Variants in XRN1 observed in about 807,000 individuals in gnomAD.
XRN1 encodes the protein 5'-3' exoribonuclease 1, also known as strand-exchange protein 1 homolog.
XRN1 carries 67 observed loss-of-function variants against 222.3 expected under a neutral mutation model. That is an observed-to-expected ratio of 0.30 (90% CI 0.25 to 0.37). The LOEUF is 0.37. XRN1 is among the 10% of genes least tolerant of loss of function. The pLI, the probability that XRN1 is intolerant of heterozygous loss-of-function variation, is 1.00. For missense variants in XRN1, 1,707 were observed against 2,000.2 expected, an observed-to-expected ratio of 0.85 and a Z score of 2.80; for synonymous variants, 643 against 652.4, an observed-to-expected ratio of 0.99 and a Z score of 0.22.
chr3:142,309,774 TTTCACAC>T lies in XRN1; in HGVS notation c.*1730_*1736del, dbSNP rs2065040305. ...GAGTTTGTACAGCTGAGGTGAAACA[TTTCACAC>T]TTTAAAGTAGGAAGAGGTTAATATA... is the stretch of plus-strand genomic sequence containing the variant. On this transcript the variant is annotated 3_prime_UTR_variant, in exon 41 of 41. Coordinates refer to ENST00000392981, the MANE Select transcript of XRN1 (RefSeq NM_001282857.2). 6.6e-6 allele frequency: 1 copy of T among 152,190 alleles called. No individual in the cohort carries two copies. The highest frequency in any genetic ancestry group is 1.5e-5 in the Non-Finnish European group (1 of 68,032). The allele number at this position is 152,190 out of a possible 1,614,324, so 9.4% of individuals were successfully genotyped here. A position where few individuals can be genotyped will look rare whatever the true frequency, so the allele number is the denominator to read the frequency against.
chr3:142,327,345 C>T (rs988248970), intron 37 of XRN1, among the ~76,000 whole-genome samples: 10 of 151,950 alleles, frequency 6.6e-5, no homozygotes, highest in South Asian at 2.1e-4. Context: ...TTATGTGTCT[C>T]GGAATTCATC....
chr3:142,363,659 TTG>T, intron 29 of XRN1, among the ~76,000 whole-genome samples: 1 of 151,952 alleles, frequency 6.6e-6, no homozygotes, highest in Non-Finnish European at 1.5e-5. Flanking sequence ...TACTCTAGCT[TTG>T]TAAAGTTTAC....
chr3:142,438,930 C>T (rs2070061031), intron 1 of XRN1, among the ~76,000 whole-genome samples: 1 of 151,634 alleles, frequency 6.6e-6, no homozygotes, highest in Non-Finnish European at 1.5e-5. Context: ...CCTTCCCCAA[C>T]TAACAAGGAC....
chr3:142,403,600 T>C, intron 18 of XRN1, 74 bp downstream of exon 18: 2 of 1,383,490 alleles, frequency 1.4e-6, no homozygotes, highest in Admixed American at 3.7e-5. Context: ...AATACCTCCC[T>C]GGTAAACATC....
intron 18 of XRN1, 45 bp downstream of exon 18, chr3:142,403,629 T>A: frequency 6.4e-7 from 1 of 1,552,170 alleles, no homozygotes; most frequent in Non-Finnish European, 8.9e-7. Flanking sequence ...TACAGTTTAA[T>A]ACATTATAGG....
chr3:142,312,657 T>C lies in XRN1; in HGVS notation c.4723A>G (p.Thr1575Ala), dbSNP rs556510044. The change falls in exon 40 of 41, where the codon ACC becomes GCC. Residue 1575 changes from threonine to alanine, a missense_variant. By Grantham distance (58) the Thr-to-Ala change is moderately conservative. Transcript: ENST00000392981. ...GGTATTCCCCCAGCCATGGGCATGG[T>C]CCCAGAATATAAAGTATGATGGAAG... is the stretch of plus-strand genomic sequence containing the variant. ...KPFHHTLYSG[T>A]MPMAGGIPGG... 2.0e-5 allele frequency: 33 copies of C among 1,613,732 alleles called. No homozygotes were observed. The African/African-American group carries it at 4.3e-4, about 21-fold the overall frequency.
At chr3:142,389,340 T>G (rs1456203614) in intron 20 of XRN1, among the ~76,000 whole-genome samples, 2 of 152,200 alleles carry the variant, frequency 1.3e-5, no homozygotes, top group Non-Finnish European at 2.9e-5. Context: ...CCACCACATC[T>G]GCAGTTACTT....
rs527835516 is a variant in XRN1 at position 142,308,891 on chromosome 3, A to C, written c.*2620T>G. 1.3e-5 allele frequency: 2 copies of C among 152,210 alleles called. No homozygotes were observed. Among genetic ancestry groups the C allele is most frequent in the African/African-American group, 2.4e-5 (1 of 41,454 alleles). The allele number at this position is 152,210 out of a possible 1,614,324, so 9.4% of individuals were successfully genotyped here. A position where few individuals can be genotyped will look rare whatever the true frequency, so the allele number is the denominator to read the frequency against. On this transcript the variant is annotated 3_prime_UTR_variant, in exon 41 of 41. Transcript: ENST00000392981. ...TTCAAGTTGAATGAGCATATTTTTA[A>C]ACTTTGGGGGTGGTCTTAGTCCACC...
chr3:142,345,139 T>C (rs2066108623), intron 33 of XRN1, among the ~76,000 whole-genome samples: 1 of 152,164 alleles, frequency 6.6e-6, no homozygotes. Flanking sequence ...TCTTAATATG[T>C]TTCCCGGGCT....
intron 37 of XRN1, among the ~76,000 whole-genome samples, chr3:142,322,833 T>C (rs2065396775): frequency 6.6e-6 from 1 of 151,992 alleles, no homozygotes; most frequent in South Asian, 2.1e-4. Flanking sequence ...TGAAACCCCG[T>C]CTCTATTAAA....
intron 20 of XRN1, among the ~76,000 whole-genome samples, chr3:142,396,543 G>A (rs781535621): frequency 2.0e-5 from 3 of 152,100 alleles, no homozygotes; most frequent in Admixed American, 6.5e-5. Context: ...TCTACCTCTC[G>A]AGAGCTATGT....
chr3:142,445,893 C>T (rs12635931), intron 1 of XRN1, among the ~76,000 whole-genome samples: 135,311 of 152,232 alleles, frequency 0.89, 60,412 homozygotes, highest in African/African-American at 0.97. Flanking sequence ...TTGGCCAGCA[C>T]AGTCTTTTAG....
In XRN1 at chr3:142,400,545, G is replaced by A. The variant is rs371271130; in HGVS notation, c.2106C>T (p.Thr702=). The A allele has an allele frequency of 3.9e-5, 62 of 1,607,964 alleles. No individual in the cohort carries two copies. The Middle Eastern group carries it at 5.0e-4, about 13-fold the overall frequency. The part of the protein sequence containing the change: ...ILVDAESDEL[T]VENVASSVLG... Reference sequence around the variant, plus strand: ...GCACTGATGAAGCTACATTTTCTACGGTCTTAAAGTAAAAGCAAAAAAGTT... The same window carrying A: ...GCACTGATGAAGCTACATTTTCTACAGTCTTAAAGTAAAAGCAAAAAAGTT... Residue 702 remains threonine (T), a splice_region_variant and synonymous_variant, in exon 19 of 41, where the codon ACC becomes ACT. Transcript: ENST00000392981.
chr3:142,373,578 C>T (rs1559827128), intron 25 of XRN1, among the ~76,000 whole-genome samples: 1 of 152,036 alleles, frequency 6.6e-6, no homozygotes, highest in Non-Finnish European at 1.5e-5. Flanking sequence ...AGGAAAGGTG[C>T]TAAAAAGATT....
intron 35 of XRN1, 175 bp downstream of exon 35, chr3:142,332,792 A>C: frequency 1.0e-6 from 1 of 990,706 alleles, no homozygotes; most frequent in Non-Finnish European, 1.4e-6. Flanking sequence ...TGTGGTCTAA[A>C]GAGAAAAAGT....
chr3:142,376,278 G>A, intron 24 of XRN1: 1 of 634,706 alleles, frequency 1.6e-6, no homozygotes, highest in South Asian at 2.1e-5. Flanking sequence ...TTTATTAGCT[G>A]CTAAAAAATA....
At chr3:142,430,113 G>A (rs928981854) in intron 2 of XRN1, among the ~76,000 whole-genome samples, 2 of 152,146 alleles carry the variant, frequency 1.3e-5, no homozygotes, top group Non-Finnish European at 2.9e-5. Context: ...TTTGGTAGGG[G>A]GCTCTGAACT....
intron 16 of XRN1, 104 bp downstream of exon 16, chr3:142,404,803 T>G: frequency 9.3e-7 from 1 of 1,070,988 alleles, no homozygotes. Context: ...ATAAACTATT[T>G]GCTAATTCTC....
chr3:142,380,307 T>G, intron 22 of XRN1, 127 bp from the exon 23 acceptor site: 1 of 735,288 alleles, frequency 1.4e-6, no homozygotes, highest in Non-Finnish European at 2.2e-6. Context: ...TGAAATTTGT[T>G]AAGTGGGTAT....
Sources: allele counts gnomAD v4.1 joint callset (sites outside exome capture counted in the v4.1 genomes callset), GRCh38; gene constraint gnomAD v4.1.1; transcripts MANE v1.5; gene names NCBI Gene and HGNC (gene_info 2026-07-23, HGNC 2026-07-21).